Variants in MTHFD1 observed in about 807,000 individuals in gnomAD.
The protein encoded by MTHFD1 is C-1-tetrahydrofolate synthase, cytoplasmic.
In MTHFD1, 44 loss-of-function variants were observed where a neutral mutation model predicts 110.3. The observed-to-expected ratio is 0.40, with a 90% CI of 0.31 to 0.51. The LOEUF is 0.51. Among genes scored for constraint, MTHFD1 ranks in the 20% least tolerant of loss-of-function variants. MTHFD1 has a pLI of 0.60. For synonymous variants in MTHFD1, 402 were observed against 428.8 expected (o/e 0.94, Z 0.77); for missense variants, 909 against 1,173.1 (o/e 0.77, Z 3.29).
intron 8 of MTHFD1, chr14:64,424,236 T>C (rs2078102012): frequency 1.8e-5 from 3 of 169,044 alleles, no homozygotes; most frequent in African/African-American, 4.8e-5. Context: ...TGAATAGCTA[T>C]TCTTTGCTGG....
intron 18 of MTHFD1, 72 bp from the exon 19 acceptor site, chr14:64,441,313 G>T: frequency 7.1e-7 from 1 of 1,399,488 alleles, no homozygotes; most frequent in South Asian, 1.2e-5. Flanking sequence ...AGCCTAGAAT[G>T]TCAAATATTG....
chr14:64,434,394 A>T (rs1265209744), intron 15 of MTHFD1, among the ~76,000 whole-genome samples: 1 of 152,058 alleles, frequency 6.6e-6, no homozygotes, highest in Non-Finnish European at 1.5e-5. Context: ...CTACAAAAAA[A>T]TTTAAAAACG....
intron 13 of MTHFD1, 37 bp downstream of exon 13, chr14:64,430,267 C>T (rs1197323208): frequency 3.8e-6 from 6 of 1,593,926 alleles, no homozygotes; most frequent in Non-Finnish European, 5.2e-6. Context: ...TTAGATCCCC[C>T]TTTTTTTGTC....
At chr14:64,399,466 C>T (rs1281660964) in intron 1 of MTHFD1, among the ~76,000 whole-genome samples, 1 of 152,004 alleles carries the variant, frequency 6.6e-6, no homozygotes, top group Non-Finnish European at 1.5e-5. Context: ...CGAGACCAGC[C>T]TGACCAACAT....
rs1157619904 is a variant in MTHFD1, at chr14:64,398,048, G to A, written c.42-2745G>A. Among the ~76,000 whole-genome samples the A allele has an allele frequency of 1.3e-5, 2 of 152,076 alleles. 1 individual carries two copies. The highest frequency in any genetic ancestry group is 4.8e-5 in the African/African-American group (2 of 41,408). ...TAGGCTATGCCCAGCACCACATCTG[G>A]TTGTCATTCAGGGGAGCAGCTAGGG... On this transcript the variant is annotated intron_variant, in intron 1 of 27. Transcript: ENST00000652337.
Position 64,458,285 on chromosome 14 carries a change from G to A in MTHFD1, c.2790G>A (p.Gln930=), listed in dbSNP as rs2078507381. 4 of 1,613,016 alleles carry A rather than the reference G, an allele frequency of 2.5e-6. No individual in the cohort carries two copies. The South Asian group carries it at 3.3e-5, about 13-fold the overall frequency. Residue 930 remains glutamine (Q), a synonymous_variant, in exon 27 of 28, where the codon CAG becomes CAA. Transcript: ENST00000652337. ...YDIDLDPETE[Q]VNGLF is the part of the protein sequence containing the mutation. ...TTGATTTGGACCCTGAAACAGAACA[G>A]GTGAATGGATTATTCTAAACAGGTA...
intron 8 of MTHFD1, among the ~76,000 whole-genome samples, chr14:64,421,616 T>C (rs1278777557): frequency 7.3e-6 from 1 of 136,136 alleles, no homozygotes; most frequent in Non-Finnish European, 1.6e-5. Flanking sequence ...TATTTATTTA[T>C]TTTTTTAATT....
chr14:64,437,090 T>C (rs2078211543), intron 16 of MTHFD1, among the ~76,000 whole-genome samples: 1 of 147,242 alleles, frequency 6.8e-6, no homozygotes, highest in South Asian at 2.2e-4. Context: ...ATCAAGTGCC[T>C]TAAAAATGCT....
At chr14:64,443,416 G>A (rs192071137) in intron 21 of MTHFD1, among the ~76,000 whole-genome samples, 34 of 152,318 alleles carry the variant, frequency 2.2e-4, no homozygotes, top group Non-Finnish European at 4.1e-4. Flanking sequence ...ATTGAAGACA[G>A]CACTTGATCT....
intron 12 of MTHFD1, among the ~76,000 whole-genome samples, chr14:64,428,107 T>G (rs866581286): frequency 0.042 from 5,952 of 140,596 alleles, 165 homozygotes; most frequent in African/African-American, 0.1. Context: ...CATGTGTTTT[T>G]TTTTTTTTTT....
chr14:64,418,066 G>C, intron 7 of MTHFD1, 42 bp downstream of exon 7: 3 of 1,612,786 alleles, frequency 1.9e-6, no homozygotes, highest in Non-Finnish European at 2.5e-6. Context: ...ACGGTGGGGA[G>C]GGTGGGTGTG....
chr14:64,424,906 C>G lies in MTHFD1; in HGVS notation c.830C>G (p.Pro277Arg). 1 of 1,614,158 alleles carries G rather than the reference C, an allele frequency of 6.2e-7. No individual in the cohort carries two copies. The highest frequency in any genetic ancestry group is 1.7e-5 in the Admixed American group (1 of 60,026). ...ACTCCTGTTCCTGGCGGCGTAGGGC[C>G]CATGACAGTTGCAATGCTCATGCAG... ...FITPVPGGVG[P>R]MTVAMLMQST... The change falls in exon 9 of 28, where the codon CCC becomes CGC. Residue 277 changes from proline to arginine, a missense_variant. This residue lies in a region of MTHFD1 where 424 missense variants were observed against 510.4 expected (regional missense o/e 0.83). Coordinates refer to ENST00000652337, the MANE Select transcript of MTHFD1 (RefSeq NM_005956.4).
intron 8 of MTHFD1, among the ~76,000 whole-genome samples, chr14:64,421,594 G>A (rs951252954): frequency 1.3e-5 from 2 of 151,768 alleles, no homozygotes; most frequent in East Asian, 1.9e-4. Context: ...TGACATTCAA[G>A]CTCAGTCTTT....
intron 2 of MTHFD1, among the ~76,000 whole-genome samples, chr14:64,406,025 A>T (rs2077933107): frequency 7.0e-6 from 1 of 142,108 alleles, no homozygotes; most frequent in African/African-American, 2.6e-5. Context: ...ATATATATAT[A>T]ATAATAATTA....
intron 16 of MTHFD1, among the ~76,000 whole-genome samples, chr14:64,436,621 A>G (rs1164406048): frequency 6.6e-6 from 1 of 152,232 alleles, no homozygotes; most frequent in Admixed American, 6.5e-5. Context: ...CTCATGCAGA[A>G]TAGAGCTGAA....
At chr14:64,456,278 G>A (rs1241278901) in intron 26 of MTHFD1, among the ~76,000 whole-genome samples, 2 of 152,134 alleles carry the variant, frequency 1.3e-5, no homozygotes, top group African/African-American at 2.4e-5. Flanking sequence ...GGACCAAGGC[G>A]TTTCCACACA....
intron 12 of MTHFD1, among the ~76,000 whole-genome samples, chr14:64,429,590 T>C (rs2078143294): frequency 6.6e-6 from 1 of 152,138 alleles, no homozygotes; most frequent in Admixed American, 6.5e-5. Context: ...GACATGCTCA[T>C]TGGATCATTT....
At position 64,439,152 on chromosome 14, in the gene MTHFD1, GAGA is replaced by G. The variant is rs1398314225; in HGVS notation, c.1657_1659del (p.Lys553del). The G allele has an allele frequency of 6.2e-7, 1 of 1,614,048 alleles. No homozygotes were observed. Among genetic ancestry groups the G allele is most frequent in the East Asian group, 2.2e-5 (1 of 44,882 alleles). On this transcript the variant is annotated inframe_deletion, in exon 17 of 28. Transcript: ENST00000652337. Reference sequence around the variant, plus strand: ...GATCACGATTGGACAGGCTCCAACGGAGAAGGGTCACACACGGACGGTAACAAT... The same window carrying G: ...GATCACGATTGGACAGGCTCCAACGGAGGGTCACACACGGACGGTAACAAT...
At chr14:64,392,093 G>C (rs148037382) in intron 1 of MTHFD1, among the ~76,000 whole-genome samples, 4 of 152,364 alleles carry the variant, frequency 2.6e-5, no homozygotes, top group Admixed American at 2.6e-4. Flanking sequence ...GCAAAGACTT[G>C]AAGGAGGTGG....
Sources: gnomAD v4.1 joint callset for allele counts (sites outside exome capture counted in the v4.1 genomes callset) on GRCh38, gnomAD v4.1.1 for gene constraint, gnomAD v4.1.1 regional missense constraint, MANE v1.5 for transcripts, NCBI Gene and HGNC (gene_info 2026-07-23, HGNC 2026-07-21) for gene names.